ARHGEF10L: variants seen among roughly 807,000 people sequenced by gnomAD.
The protein encoded by ARHGEF10L is Rho guanine nucleotide exchange factor 10 like, also known as rho guanine nucleotide exchange factor 10-like protein.
A neutral mutation model predicts 141.2 loss-of-function variants in ARHGEF10L; 69 were observed. The observed-to-expected ratio is 0.49, with a 90% CI of 0.40 to 0.60. The LOEUF (loss-of-function observed/expected upper bound fraction) is 0.60, where lower values mean the gene tolerates loss of function less well. ARHGEF10L is among the 20% of genes least tolerant of loss of function. The pLI, the probability that ARHGEF10L is intolerant of heterozygous loss-of-function variation, is 0.00. For synonymous variants in ARHGEF10L, 711 were observed against 718.5 expected (o/e 0.99, Z 0.17); for missense variants, 1,482 against 1,734.3 (o/e 0.85, Z 2.58).
intron 4 of ARHGEF10L, among the ~76,000 whole-genome samples, chr1:17,597,440 G>A (rs1048805454): frequency 6.6e-6 from 1 of 152,270 alleles, no homozygotes; most frequent in Non-Finnish European, 1.5e-5. Flanking sequence ...GGAGGGTCAC[G>A]GGTACAGGAG....
rs551539611 is a variant in ARHGEF10L, at chr1:17,608,029, CAGGG to C, written c.609+71_609+74del. The C allele has an allele frequency of 1.8e-4, 124 of 693,406 alleles. 4 individuals carry two copies. The highest frequency in any genetic ancestry group is 5.8e-4 in the East Asian group (6 of 10,274). The allele number at this position is 693,406 out of a possible 1,614,324, so 43.0% of individuals were successfully genotyped here. A position where few individuals can be genotyped will look rare whatever the true frequency, so the allele number is the denominator to read the frequency against. On this transcript the variant is annotated intron_variant, in intron 7 of 28. Coordinates refer to ENST00000361221, the MANE Select transcript of ARHGEF10L (RefSeq NM_018125.4). ...CTCAGTCAGGGCACGGAGACCCCTTCAGGGAGGGAGGGAGGGAGGGAGCTGGGTA... is the reference window on the plus strand; with the variant it reads ...CTCAGTCAGGGCACGGAGACCCCTTCAGGGAGGGAGGGAGGGAGCTGGGTA...
chr1:17,613,070 C>T lies in ARHGEF10L; in HGVS notation c.622C>T (p.Leu208=). The T allele has an allele frequency of 6.2e-7, 1 of 1,613,800 alleles. No individual in the cohort carries two copies. Among genetic ancestry groups the T allele is most frequent in the South Asian group, 1.1e-5 (1 of 91,002 alleles). The change falls in exon 8 of 29, where the codon CTG becomes TTG. Residue 208 remains leucine (L), a synonymous_variant. Coordinates refer to ENST00000361221, the MANE Select transcript of ARHGEF10L (RefSeq NM_018125.4). ...VSFQPKLSPD[L]TRLKERYART... The stretch of plus-strand genomic sequence containing the variant: ...CTTGGGGCTCCAGCTTTCTCCAGAC[C>T]TGACTAGGCTAAAGGAGAGATACGC...
chr1:17,671,076 C>T (rs1313120223), intron 26 of ARHGEF10L, among the ~76,000 whole-genome samples: 4 of 152,268 alleles, frequency 2.6e-5, no homozygotes, highest in Admixed American at 6.5e-5. Context: ...CCGTCTGCAC[C>T]GGCGCCTCAC....
In ARHGEF10L at chr1:17,656,547, C is replaced by T. The variant is rs1242600737; in HGVS notation, c.2706-7C>T. The T allele has an allele frequency of 6.2e-7, 1 of 1,606,346 alleles. No individual in the cohort carries two copies. Among genetic ancestry groups the T allele is most frequent in the Non-Finnish European group, 8.5e-7 (1 of 1,174,532 alleles). On this transcript the variant is annotated splice_region_variant and splice_polypyrimidine_tract_variant and intron_variant, in intron 24 of 28. Coordinates refer to ENST00000361221, the MANE Select transcript of ARHGEF10L (RefSeq NM_018125.4). The surrounding 1 kb of genome is among the most constrained non-coding windows in gnomAD (Gnocchi z 4.9). ...GTCATGACCGCTTCTCCAACCTCTC[C>T]CCGCAGCATCCTCCTCTACAGCAGT...
chr1:17,640,035 G>A (rs983278479), intron 20 of ARHGEF10L, 167 bp from the exon 21 acceptor site: 13 of 1,470,028 alleles, frequency 8.8e-6, no homozygotes, highest in South Asian at 4.2e-5. Context: ...CCAGGGGACC[G>A]AGGCTTTGCC....
chr1:17,659,468 G>C (rs1315593212), intron 25 of ARHGEF10L, among the ~76,000 whole-genome samples: 1 of 152,158 alleles, frequency 6.6e-6, no homozygotes, highest in Non-Finnish European at 1.5e-5. Flanking sequence ...CCAGCTGTGG[G>C]ACTGGCATCA....
chr1:17,528,209 TTTTC>T, the ARHGEF10L span, among the ~76,000 whole-genome samples: 1 of 152,086 alleles, frequency 6.6e-6, no homozygotes, highest in African/African-American at 2.4e-5. Context: ...AAGATAATTA[TTTTC>T]TTTCTTTATT....
At chr1:17,546,524 A>G (rs1346605475) in intron 1 of ARHGEF10L, among the ~76,000 whole-genome samples, 1 of 152,140 alleles carries the variant, frequency 6.6e-6, no homozygotes, top group East Asian at 1.9e-4. Context: ...ATCCAAGGGC[A>G]CTGTGTTTGT....
intron 1 of ARHGEF10L, among the ~76,000 whole-genome samples, chr1:17,578,922 A>C (rs926401884): frequency 6.6e-6 from 1 of 152,188 alleles, no homozygotes; most frequent in African/African-American, 2.4e-5. Context: ...TGGCCCATGC[A>C]TGGGAGAGTT....
intron 25 of ARHGEF10L, among the ~76,000 whole-genome samples, chr1:17,660,660 C>G (rs993104257): frequency 6.6e-6 from 1 of 152,232 alleles, no homozygotes; most frequent in African/African-American, 2.4e-5. Context: ...TTCTCCACTG[C>G]TGGCTGGGGG....
intron 27 of ARHGEF10L, among the ~76,000 whole-genome samples, chr1:17,693,474 A>G (rs919485818): frequency 6.6e-5 from 10 of 152,086 alleles, no homozygotes; most frequent in African/African-American, 2.4e-4. Context: ...GAGCCACACC[A>G]TTTCTCTCTG....
intron 1 of ARHGEF10L, among the ~76,000 whole-genome samples, chr1:17,544,067 C>T (rs532919661): frequency 2.0e-5 from 3 of 151,874 alleles, no homozygotes; most frequent in African/African-American, 7.2e-5. Context: ...CTGCCTCAGC[C>T]TCTGGGATTA....
Position 17,623,025 on chromosome 1 carries a change from G to C in ARHGEF10L, c.1050G>C (p.Glu350Asp), listed in dbSNP as rs775316890. Residue 350 changes from glutamate (E) to aspartate (D), a missense_variant, in exon 12 of 29, where the codon GAG becomes GAC. Around this residue, in one of 3 missense-constraint regions of ARHGEF10L, gnomAD observed 392 missense variants for 542.1 expected, o/e 0.72. Coordinates refer to ENST00000361221, the MANE Select transcript of ARHGEF10L (RefSeq NM_018125.4). The surrounding 1 kb of genome is among the most constrained non-coding windows in gnomAD (Gnocchi z 4.7). ...ACCGCAACCCCCTGATGGAGATGGA[G>C]CCCAAGGCGCTGAGCGCCCGCAAGT... ...QDYRNPLMEMEPKALSARKCQ... is the reference protein window; with the variant it reads ...QDYRNPLMEMDPKALSARKCQ... The C allele has an allele frequency of 2.5e-6, 4 of 1,613,814 alleles. No homozygotes were observed. Among genetic ancestry groups the C allele is most frequent in the Non-Finnish European group, 3.4e-6 (4 of 1,179,956 alleles).
In ARHGEF10L at chr1:17,573,638, GC is replaced by G. The variant is rs2078099628; in HGVS notation, c.-43-6909del. On this transcript the variant is annotated intron_variant, in intron 1 of 28. Coordinates refer to ENST00000361221, the MANE Select transcript of ARHGEF10L (RefSeq NM_018125.4). The surrounding 1 kb of genome is among the most constrained non-coding windows in gnomAD (Gnocchi z 4.8). ...GGGGCTGGAGATAGAGTCTGGGGCC[GC>G]CCCCCTCCCACGCTGTCCAGCCACT... is the stretch of plus-strand genomic sequence containing the variant. Among the ~76,000 whole-genome samples, 1 of 152,134 alleles carries G rather than the reference GC, an allele frequency of 6.6e-6. No homozygotes were observed. Among genetic ancestry groups the G allele is most frequent in the African/African-American group, 2.4e-5 (1 of 41,514 alleles).
rs531851583 is a variant in ARHGEF10L, at chr1:17,673,347, G to C, written c.3009+8752G>C. Among the ~76,000 whole-genome samples the C allele has an allele frequency of 6.6e-6, 1 of 152,074 alleles. No homozygotes were observed. The highest frequency in any genetic ancestry group is 1.9e-4 in the East Asian group (1 of 5,164). ...CCCTCTGAGCCCGGCAGCAGGGAGA[G>C]GGGGAGGGCAGATGCCCAAGGGGCA... On this transcript the variant is annotated intron_variant, in intron 26 of 28. Coordinates refer to ENST00000361221, the MANE Select transcript of ARHGEF10L (RefSeq NM_018125.4). The surrounding 1 kb of genome is among the most constrained non-coding windows in gnomAD (Gnocchi z 4.1).
chr1:17,591,787 A>G (rs972821000), intron 4 of ARHGEF10L, among the ~76,000 whole-genome samples: 1 of 152,150 alleles, frequency 6.6e-6, no homozygotes, highest in Admixed American at 6.5e-5. Flanking sequence ...GGCTCAAGCA[A>G]TCCTCCTGCC....
chr1:17,602,172 C>A lies in ARHGEF10L; in HGVS notation c.303C>A (p.Phe101Leu). ...ATGGGGATGCAGCGGACGCAGCCTT[C>A]TCCGGGGCCCGGCACTCCAGCTGGA... The part of the protein sequence containing the change: ...VSNGDAADAA[F>L]SGARHSSWKR... The change falls in exon 5 of 29, where the codon TTC (phenylalanine) becomes TTA (leucine). Residue 101 changes from phenylalanine (F) to leucine (L), a missense_variant. Coordinates refer to ENST00000361221, the MANE Select transcript of ARHGEF10L (RefSeq NM_018125.4). The A allele has an allele frequency of 6.3e-7, 1 of 1,583,314 alleles. No homozygotes were observed. Among genetic ancestry groups the A allele is most frequent in the Non-Finnish European group, 8.6e-7 (1 of 1,164,734 alleles).
chr1:17,567,647 C>T (rs142044174), intron 1 of ARHGEF10L, among the ~76,000 whole-genome samples: 55 of 152,272 alleles, frequency 3.6e-4, no homozygotes, highest in African/African-American at 8.9e-4. Context: ...GGATTACAGG[C>T]GTGAACCACT....
intron 1 of ARHGEF10L, among the ~76,000 whole-genome samples, chr1:17,580,064 CAG>C (rs2078419201): frequency 6.6e-6 from 1 of 152,242 alleles, no homozygotes. Flanking sequence ...CAGGAAGAGG[CAG>C]AGTCAGAGTG....
Sources: allele counts gnomAD v4.1 joint callset (sites outside exome capture counted in the v4.1 genomes callset), GRCh38; gene constraint gnomAD v4.1.1; regional missense constraint gnomAD v4.1.1; non-coding constraint Gnocchi (gnomAD v3.1); transcripts MANE v1.5; gene names NCBI Gene and HGNC (gene_info 2026-07-23, HGNC 2026-07-21).